AGTPBP1: variants seen among roughly 807,000 people sequenced by gnomAD.
AGTPBP1 encodes the protein ATP/GTP binding carboxypeptidase 1.
A neutral mutation model predicts 143.9 loss-of-function variants in AGTPBP1; 70 were observed. The observed-to-expected ratio is 0.49, with a 90% CI of 0.40 to 0.59. The LOEUF is 0.59. Ranked by LOEUF, AGTPBP1 falls within the 20% of genes least tolerant of loss-of-function variation. AGTPBP1 has a pLI of 0.00. For synonymous variants in AGTPBP1, 463 were observed against 500.2 expected (o/e 0.93, Z 0.99); for missense variants, 1,229 against 1,464.5 (o/e 0.84, Z 2.62).
At chr9:85,669,149 A>C (rs1834328994) in intron 8 of AGTPBP1, among the ~76,000 whole-genome samples, 1 of 151,690 alleles carries the variant, frequency 6.6e-6, no homozygotes, top group Admixed American at 6.6e-5. Flanking sequence ...AGATTGTAAA[A>C]TTGGGTGAGA....
intron 11 of AGTPBP1, among the ~76,000 whole-genome samples, chr9:85,649,275 T>C (rs566217773): frequency 1.3e-5 from 2 of 152,328 alleles, no homozygotes; most frequent in African/African-American, 4.8e-5. Flanking sequence ...GCACATTCTA[T>C]AAGGACTGGG....
chr9:85,734,269 A>C (rs1202209365), intron 1 of AGTPBP1, among the ~76,000 whole-genome samples: 1 of 152,142 alleles, frequency 6.6e-6, no homozygotes, highest in African/African-American at 2.4e-5. Flanking sequence ...CAAACAAAAA[A>C]ACCTCCTTAC....
chr9:85,753,793 GATA>G, the AGTPBP1 span, among the ~76,000 whole-genome samples: 1 of 149,488 alleles, frequency 6.7e-6, no homozygotes, highest in African/African-American at 2.5e-5. Context: ...TAGATAGATA[GATA>G]GATAGATAGA....
intron 25 of AGTPBP1, among the ~76,000 whole-genome samples, chr9:85,566,368 C>CA (rs1827093395): frequency 6.7e-6 from 1 of 150,358 alleles, no homozygotes; most frequent in African/African-American, 2.4e-5. Flanking sequence ...AAAAAACAAA[C>CA]AAACAAAAAA....
At chr9:85,772,742 A>G in the AGTPBP1 span, among the ~76,000 whole-genome samples, 1 of 152,104 alleles carries the variant, frequency 6.6e-6, no homozygotes, top group Admixed American at 6.6e-5. Context: ...TGACAGAGTG[A>G]GACTCCATCT....
intron 11 of AGTPBP1, among the ~76,000 whole-genome samples, chr9:85,653,311 C>T (rs1241577276): frequency 1.3e-5 from 2 of 152,052 alleles, no homozygotes; most frequent in Admixed American, 6.5e-5. Flanking sequence ...TATTAGAACC[C>T]TCCTCTCCCA....
chr9:85,654,084 G>A (rs1326783879), intron 11 of AGTPBP1, among the ~76,000 whole-genome samples: 2 of 151,856 alleles, frequency 1.3e-5, no homozygotes, highest in South Asian at 2.1e-4. Flanking sequence ...TTTATATCAA[G>A]GATAATGAAA....
At chr9:85,742,083 C>T, upstream of AGTPBP1, 1 of 1,104,646 alleles carries the variant, frequency 9.1e-7, no homozygotes, top group East Asian at 4.2e-5. Flanking sequence ...GAGCGCACGC[C>T]CTCTTCCCGC....
At chr9:85,603,751 T>C (rs1357911810) in intron 17 of AGTPBP1, among the ~76,000 whole-genome samples, 1 of 152,168 alleles carries the variant, frequency 6.6e-6, no homozygotes, top group Non-Finnish European at 1.5e-5. Context: ...GAGAGGAGCC[T>C]GCTGCCCTGA....
rs1287669340 is a variant in AGTPBP1 at position 85,741,774 on chromosome 9, C to A, written c.-34+1G>T. The A allele has an allele frequency of 7.5e-7, 1 of 1,336,170 alleles. No individual in the cohort carries two copies. The allele number at this position is 1,336,170 out of a possible 1,614,324, so 82.8% of individuals were successfully genotyped here. ...CATGAGGACTGCAGCAGGGCGCTCA[C>A]CGGCTCAGGATGGGGCGCTGGCGGG... is the stretch of plus-strand genomic sequence containing the variant. On this transcript the variant is annotated splice_donor_variant, in intron 1 of 25. Transcript: ENST00000357081. LOFTEE classifies it low-confidence loss of function (5UTR_SPLICE).
At chr9:85,765,708 G>C in the AGTPBP1 span, among the ~76,000 whole-genome samples, 787 of 152,130 alleles carry the variant, frequency 5.2e-3, 7 homozygotes, top group African/African-American at 0.018. Flanking sequence ...CCAAACCAAG[G>C]GAAAATTGCT....
At chr9:85,742,938 A>G (rs1824467963), upstream of AGTPBP1, among the ~76,000 whole-genome samples, 2 of 152,224 alleles carry the variant, frequency 1.3e-5, no homozygotes, top group Non-Finnish European at 1.5e-5. Context: ...AAATAAAATT[A>G]AGCAGGTGTG....
chr9:85,616,564 T>C (rs1349072918), intron 17 of AGTPBP1, among the ~76,000 whole-genome samples: 1 of 151,992 alleles, frequency 6.6e-6, no homozygotes, highest in Non-Finnish European at 1.5e-5. Flanking sequence ...GAAAATTATA[T>C]TGACTATTAT....
chr9:85,727,402 GA>G (rs1190490785), intron 1 of AGTPBP1, among the ~76,000 whole-genome samples: 2 of 152,110 alleles, frequency 1.3e-5, no homozygotes, highest in Admixed American at 1.3e-4. Context: ...AAAGCCCTAG[GA>G]AAGGAAATTT....
chr9:85,614,230 T>A (rs563632442), intron 17 of AGTPBP1, among the ~76,000 whole-genome samples: 1 of 151,972 alleles, frequency 6.6e-6, no homozygotes, highest in South Asian at 2.1e-4. Flanking sequence ...AGACACACAA[T>A]ATAGCTATGA....
chr9:85,673,482 T>C (rs1587871787), intron 6 of AGTPBP1, among the ~76,000 whole-genome samples: 1 of 152,278 alleles, frequency 6.6e-6, no homozygotes, highest in East Asian at 1.9e-4. Flanking sequence ...TAGAAAATAA[T>C]CTGGCAAATA....
intron 1 of AGTPBP1, among the ~76,000 whole-genome samples, chr9:85,735,969 C>T (rs1823741187): frequency 6.6e-6 from 1 of 152,094 alleles, no homozygotes; most frequent in African/African-American, 2.4e-5. Context: ...TGGAATTTCT[C>T]CATAGGGCAG....
At chr9:85,569,499 T>C (rs191129426) in intron 25 of AGTPBP1, among the ~76,000 whole-genome samples, 125 of 152,300 alleles carry the variant, frequency 8.2e-4, no homozygotes, top group African/African-American at 2.9e-3. Flanking sequence ...AAGCAGCAAG[T>C]ATATACTAAT....
At chr9:85,677,661 A>AT in intron 5 of AGTPBP1, 79 bp from the exon 6 acceptor site, 1 of 1,209,622 alleles carries the variant, frequency 8.3e-7, no homozygotes, top group South Asian at 1.7e-5. Context: ...ATTAGGTATC[A>AT]TAACTTGTTA....
Sources: gnomAD v4.1 joint callset for allele counts (sites outside exome capture counted in the v4.1 genomes callset) on GRCh38, gnomAD v4.1.1 for gene constraint, MANE v1.5 for transcripts, NCBI Gene and HGNC (gene_info 2026-07-23, HGNC 2026-07-21) for gene names.